The following MEGF11 variants were observed in gnomAD, a reference collection of about 807,000 sequenced individuals.
The protein encoded by MEGF11 is multiple EGF like domains 11.
MEGF11 carries 126 observed loss-of-function variants against 146.6 expected under a neutral mutation model. The ratio of observed to expected loss-of-function variants is 0.86; its 90% CI spans 0.74 to 1.00. The LOEUF is 1.00. Among genes scored for constraint, MEGF11 ranks in the 50% least tolerant of loss-of-function variants. MEGF11 has a pLI of 0.00. For missense variants in MEGF11, 1,509 were observed against 1,521.2 expected (o/e 0.99, Z 0.13); for synonymous variants, 532 against 583.4 (o/e 0.91, Z 1.27).
intron 4 of MEGF11, among the ~76,000 whole-genome samples, chr15:66,111,340 A>G (rs2087392871): frequency 6.6e-6 from 1 of 152,240 alleles, no homozygotes; most frequent in South Asian, 2.1e-4. Flanking sequence ...TCTGTAAAAC[A>G]GAGTCAGTTC....
chr15:66,006,784 G>T (rs1421599322), intron 5 of MEGF11, among the ~76,000 whole-genome samples: 2 of 152,214 alleles, frequency 1.3e-5, no homozygotes, highest in Non-Finnish European at 2.9e-5. Context: ...GGGCTTTATG[G>T]CTGGGAGACA....
chr15:65,898,390 G>T (rs761979034), intron 25 of MEGF11: 1 of 985,330 alleles, frequency 1.0e-6, no homozygotes, highest in East Asian at 1.1e-4. Context: ...TTAGAGACTT[G>T]TTGATGTCTC....
At chr15:66,054,087 C>G (rs1425791298) in intron 5 of MEGF11, among the ~76,000 whole-genome samples, 1 of 152,172 alleles carries the variant, frequency 6.6e-6, no homozygotes, top group African/African-American at 2.4e-5. Flanking sequence ...CCCCTCCTGG[C>G]TGGCATCCTT....
intron 1 of MEGF11, 57 bp from the exon 2 acceptor site, chr15:66,128,468 A>G (rs182053421): frequency 5.6e-5 from 60 of 1,062,746 alleles, no homozygotes; most frequent in Admixed American, 4.7e-4. Flanking sequence ...CCTGGCAACT[A>G]CTTAGTTTCC....
intron 5 of MEGF11, among the ~76,000 whole-genome samples, chr15:65,986,857 G>T (rs1345093892): frequency 6.8e-6 from 1 of 147,880 alleles, no homozygotes; most frequent in Non-Finnish European, 1.5e-5. Context: ...GAGTGCAGTG[G>T]TGCAAACTCG....
intron 8 of MEGF11, among the ~76,000 whole-genome samples, chr15:65,970,059 G>C (rs1415812835): frequency 6.6e-6 from 1 of 152,084 alleles, no homozygotes; most frequent in African/African-American, 2.4e-5. Context: ...CACTCTGCAA[G>C]GCTGGTTTCA....
chr15:66,091,937 G>A (rs905316663), intron 5 of MEGF11, among the ~76,000 whole-genome samples: 9 of 152,332 alleles, frequency 5.9e-5, no homozygotes, highest in African/African-American at 1.9e-4. Flanking sequence ...TGACCCATTG[G>A]AGGGTCTCTG....
chr15:66,127,743 C>A (rs2088432518), intron 2 of MEGF11, among the ~76,000 whole-genome samples: 1 of 152,194 alleles, frequency 6.6e-6, no homozygotes, highest in African/African-American at 2.4e-5. Flanking sequence ...CCCCCAGGAC[C>A]TAGCGCCGCA....
At chr15:66,055,904 C>G (rs1218001212) in intron 5 of MEGF11, among the ~76,000 whole-genome samples, 1 of 152,094 alleles carries the variant, frequency 6.6e-6, no homozygotes, top group African/African-American at 2.4e-5. Flanking sequence ...ATTCCAGAGT[C>G]AGGAGAATGG....
intron 4 of MEGF11, among the ~76,000 whole-genome samples, chr15:66,102,212 T>C (rs2086842376): frequency 4.4e-4 from 1 of 2,276 alleles, no homozygotes; most frequent in Non-Finnish European, 5.0e-3. Flanking sequence ...AAGGATTTTC[T>C]CGGCCGAGCT....
At chr15:65,977,362 A>G (rs693217) in intron 7 of MEGF11, among the ~76,000 whole-genome samples, 124,187 of 151,840 alleles carry the variant, frequency 0.82, 51,792 homozygotes, top group Non-Finnish European at 0.91. Context: ...TGTGGTTGGT[A>G]TGGGTGCTGT....
At chr15:65,967,024 A>G (rs558361424) in intron 8 of MEGF11, 1 of 152,286 alleles carries the variant, frequency 6.6e-6, no homozygotes. Context: ...GTTCTGGGAT[A>G]TCTTTGTTCC....
chr15:65,909,655 G>C, intron 22 of MEGF11, 85 bp downstream of exon 22: 1 of 1,336,148 alleles, frequency 7.5e-7, no homozygotes, highest in Non-Finnish European at 1.0e-6. Flanking sequence ...TCATAACCCT[G>C]TCCCTTCAAG....
intron 1 of MEGF11, among the ~76,000 whole-genome samples, chr15:66,211,361 A>C (rs551123237): frequency 1.2e-4 from 18 of 151,734 alleles, no homozygotes; most frequent in African/African-American, 3.6e-4. Flanking sequence ...GTCTCTACTA[A>C]AAATACAAAA....
rs1227278183 is a variant in MEGF11 at position 65,909,866 on chromosome 15, T to C, written c.2830-60A>G. On this transcript the variant is annotated intron_variant, in intron 21 of 25. Transcript: ENST00000395614. ...GTGCCCCAGGTACCCCTCCCCAGTC[T>C]TCACTTTGCGTAGCTTCAGTGCACA... The C allele has an allele frequency of 2.1e-6, 3 of 1,437,838 alleles. No individual in the cohort carries two copies. In the South Asian group the frequency reaches 3.6e-5, roughly 17 times the overall value. The allele number at this position is 1,437,838 out of a possible 1,614,324, so 89.1% of individuals were successfully genotyped here. A position where few individuals can be genotyped will look rare whatever the true frequency, so the allele number is the denominator to read the frequency against.
chr15:65,978,521 A>G (rs1167007784), intron 7 of MEGF11, among the ~76,000 whole-genome samples: 2 of 152,212 alleles, frequency 1.3e-5, no homozygotes, highest in East Asian at 3.8e-4. Flanking sequence ...CAATCCCTCC[A>G]TGTGTTTGCT....
chr15:66,037,795 A>C (rs1454845986), intron 5 of MEGF11, among the ~76,000 whole-genome samples: 1 of 152,206 alleles, frequency 6.6e-6, no homozygotes, highest in Non-Finnish European at 1.5e-5. Context: ...CAGCAGTAGG[A>C]ACAATGTCCT....
intron 1 of MEGF11, among the ~76,000 whole-genome samples, chr15:66,192,010 G>A (rs1195657070): frequency 6.6e-6 from 1 of 152,038 alleles, no homozygotes; most frequent in South Asian, 2.1e-4. Context: ...CCCAGGAGGC[G>A]GAGTCTGCAG....
chr15:66,060,117 T>G (rs1036366), intron 5 of MEGF11, among the ~76,000 whole-genome samples: 151,708 of 151,764 alleles, frequency 1, 75,826 homozygotes, highest in Middle Eastern at 1. Flanking sequence ...AAGAGATGAG[T>G]GACTAGGAGA....
Sources: gnomAD v4.1 joint callset for allele counts (sites outside exome capture counted in the v4.1 genomes callset) on GRCh38, gnomAD v4.1.1 for gene constraint, MANE v1.5 for transcripts, NCBI Gene and HGNC (gene_info 2026-07-23, HGNC 2026-07-21) for gene names.